The following NXPH1 variants were observed in gnomAD, a reference collection of about 807,000 sequenced individuals.
NXPH1 encodes the protein neurexophilin 1.
In NXPH1, 5 loss-of-function variants were observed where a neutral mutation model predicts 23.7. The observed-to-expected ratio is 0.21, with a 90% confidence interval of 0.11 to 0.44. The LOEUF (loss-of-function observed/expected upper bound fraction) is 0.44. NXPH1 is among the 20% of genes least tolerant of loss of function. The pLI, the probability that NXPH1 is intolerant of heterozygous loss-of-function variation, is 0.99. For synonymous variants in NXPH1, 144 were observed against 122.2 expected (o/e 1.18, Z -1.18); for missense variants, 324 against 321.6 (o/e 1.01, Z -0.06).
intron 2 of NXPH1, among the ~76,000 whole-genome samples, chr7:8,456,309 A>T (rs567451826): frequency 6.6e-6 from 1 of 152,296 alleles, no homozygotes; most frequent in East Asian, 1.9e-4. Context: ...TACCTTGTTG[A>T]TCACTGAATT....
intron 2 of NXPH1, among the ~76,000 whole-genome samples, chr7:8,471,546 T>C (rs7810983): frequency 1.8e-3 from 271 of 152,240 alleles, no homozygotes; most frequent in African/African-American, 5.9e-3. Flanking sequence ...CAACCTCCCT[T>C]AGGAACTCAT....
At chr7:8,620,521 A>G (rs1819844394) in intron 2 of NXPH1, among the ~76,000 whole-genome samples, 1 of 152,158 alleles carries the variant, frequency 6.6e-6, no homozygotes, top group Admixed American at 6.5e-5. Context: ...GAATATTGCT[A>G]CTGTTCTGTA....
intron 2 of NXPH1, among the ~76,000 whole-genome samples, chr7:8,584,755 C>A (rs1818949031): frequency 6.6e-6 from 1 of 152,162 alleles, no homozygotes; most frequent in Non-Finnish European, 1.5e-5. Context: ...TTGTGTTCAC[C>A]ATTTAAACAT....
At chr7:8,616,301 C>G (rs906321388) in intron 2 of NXPH1, among the ~76,000 whole-genome samples, 3 of 151,920 alleles carry the variant, frequency 2.0e-5, no homozygotes, top group African/African-American at 7.3e-5. Flanking sequence ...TCCCCAGGTA[C>G]CCCCTCACCA....
intron 2 of NXPH1, among the ~76,000 whole-genome samples, chr7:8,632,275 A>G (rs1193981708): frequency 6.6e-6 from 1 of 152,204 alleles, no homozygotes; most frequent in African/African-American, 2.4e-5. Context: ...TTGAAGCAAG[A>G]TTGAAGATTT....
chr7:8,610,882 A>G (rs1403847002), intron 2 of NXPH1, among the ~76,000 whole-genome samples: 5 of 151,968 alleles, frequency 3.3e-5, no homozygotes, highest in Non-Finnish European at 7.4e-5. Context: ...GGGATATGCA[A>G]ATGTTTAAGA....
intron 2 of NXPH1, among the ~76,000 whole-genome samples, chr7:8,574,004 T>G (rs17333439): frequency 6.6e-6 from 1 of 152,132 alleles, no homozygotes; most frequent in African/African-American, 2.4e-5. Flanking sequence ...GTGAGTGTCA[T>G]AAAGATTTAT....
At chr7:8,461,309 CTCT>C (rs1816690240) in intron 2 of NXPH1, among the ~76,000 whole-genome samples, 1 of 152,132 alleles carries the variant, frequency 6.6e-6, no homozygotes, top group South Asian at 2.1e-4. Flanking sequence ...TTTCCTTTCT[CTCT>C]TCTTTTGCTT....
chr7:8,561,383 C>CACACACCT (rs1554256950), intron 2 of NXPH1, among the ~76,000 whole-genome samples: 11 of 147,116 alleles, frequency 7.5e-5, no homozygotes, highest in African/African-American at 2.8e-4. Flanking sequence ...CACACACACA[C>CACACACCT]CTCTCTCTCT....
chr7:8,531,631 A>G (rs1236989406), intron 2 of NXPH1, among the ~76,000 whole-genome samples: 1 of 152,174 alleles, frequency 6.6e-6, no homozygotes, highest in Non-Finnish European at 1.5e-5. Context: ...GGAATGTGAC[A>G]TCTATAAAGG....
chr7:8,447,637 T>G (rs1816428120), intron 2 of NXPH1, among the ~76,000 whole-genome samples: 1 of 152,256 alleles, frequency 6.6e-6, no homozygotes, highest in Non-Finnish European at 1.5e-5. Context: ...CTTTTGGATC[T>G]GCACCTCTTG....
chr7:8,652,478 A>G (rs10952116), intron 2 of NXPH1, among the ~76,000 whole-genome samples: 107,547 of 152,040 alleles, frequency 0.71, 38,784 homozygotes, highest in East Asian at 1. Context: ...TATTTTGTAT[A>G]TAACAAAATT....
intron 2 of NXPH1, among the ~76,000 whole-genome samples, chr7:8,697,322 A>G (rs1234788762): frequency 1.3e-5 from 2 of 152,166 alleles, no homozygotes; most frequent in Non-Finnish European, 2.9e-5. Flanking sequence ...ATCCTTTTAA[A>G]AGGTCACTGT....
intron 2 of NXPH1, among the ~76,000 whole-genome samples, chr7:8,445,081 G>A (rs868405215): frequency 1.3e-5 from 2 of 152,226 alleles, no homozygotes; most frequent in East Asian, 1.9e-4. Flanking sequence ...TGAGATATAC[G>A]TAACTTACAT....
At chr7:8,546,446 C>T (rs1028199915) in intron 2 of NXPH1, among the ~76,000 whole-genome samples, 1 of 151,242 alleles carries the variant, frequency 6.6e-6, no homozygotes, top group Admixed American at 6.6e-5. Context: ...AAAATTTGTC[C>T]CTTTAGATCA....
intron 2 of NXPH1, among the ~76,000 whole-genome samples, chr7:8,521,012 G>C (rs978799788): frequency 1.3e-5 from 2 of 152,136 alleles, no homozygotes; most frequent in Non-Finnish European, 2.9e-5. Context: ...AGATGTTGGA[G>C]CAAAGAGCTA....
chr7:8,533,521 G>A (rs371425887), intron 2 of NXPH1, among the ~76,000 whole-genome samples: 1 of 151,988 alleles, frequency 6.6e-6, no homozygotes, highest in African/African-American at 2.4e-5. Context: ...ATCCTCAAGG[G>A]GAATCATGAA....
intron 2 of NXPH1, among the ~76,000 whole-genome samples, chr7:8,467,910 C>T (rs527851815): frequency 2.4e-4 from 36 of 152,146 alleles, no homozygotes; most frequent in South Asian, 8.3e-4. Context: ...CTAAGTTTTT[C>T]GGGCATTGTA....
At chr7:8,632,958 C>A (rs1174405947) in intron 2 of NXPH1, among the ~76,000 whole-genome samples, 1 of 152,130 alleles carries the variant, frequency 6.6e-6, no homozygotes, top group African/African-American at 2.4e-5. Context: ...TCACTTCAGC[C>A]ACAAGAGTAT....
Sources: gnomAD v4.1 joint callset for allele counts (sites outside exome capture counted in the v4.1 genomes callset) on GRCh38, gnomAD v4.1.1 for gene constraint, MANE v1.5 for transcripts, NCBI Gene and HGNC (gene_info 2026-07-23, HGNC 2026-07-21) for gene names.